The following NAV2 variants were observed in gnomAD, a reference collection of about 807,000 sequenced individuals.
The protein encoded by NAV2 is helicase, APC down-regulated 1.
Under a neutral mutation model 223.2 loss-of-function variants are expected in NAV2, and 54 were observed. The ratio of observed to expected loss-of-function variants is 0.24; its 90% CI spans 0.19 to 0.30. The LOEUF (loss-of-function observed/expected upper bound fraction) is 0.30, where lower values mean the gene tolerates loss of function less well. Ranked by LOEUF, NAV2 falls within the 10% of genes least tolerant of loss-of-function variation. The pLI is 1.00. For synonymous variants in NAV2, 1,279 were observed against 1,239.3 expected (o/e 1.03, Z -0.67); for missense variants, 2,806 against 3,147.5 (o/e 0.89, Z 2.60).
At chr11:20,058,312 A>G (rs2058490745) in intron 19 of NAV2, among the ~76,000 whole-genome samples, 1 of 152,226 alleles carries the variant, frequency 6.6e-6, no homozygotes, top group Non-Finnish European at 1.5e-5. Flanking sequence ...TTTTTGTGCA[A>G]TTTAATTAGC....
chr11:19,393,852 A>G (rs1238011076), intron 1 of NAV2, among the ~76,000 whole-genome samples: 1 of 148,062 alleles, frequency 6.8e-6, no homozygotes, highest in Admixed American at 6.7e-5. Context: ...TTTTGGCTCC[A>G]TATTATTACT....
intron 7 of NAV2, among the ~76,000 whole-genome samples, chr11:19,935,032 GGCTAC>G (rs2045722709): frequency 6.6e-6 from 1 of 152,166 alleles, no homozygotes; most frequent in Non-Finnish European, 1.5e-5. Flanking sequence ...TCATTGCTCA[GGCTAC>G]ACCACACCCC....
intron 6 of NAV2, among the ~76,000 whole-genome samples, chr11:19,894,431 T>C (rs1193692777): frequency 6.6e-6 from 1 of 152,186 alleles, no homozygotes; most frequent in East Asian, 1.9e-4. Context: ...GGAGAAGCTA[T>C]CATAAAAGAG....
At chr11:19,862,893 T>C (rs1032769962) in intron 3 of NAV2, among the ~76,000 whole-genome samples, 15 of 152,146 alleles carry the variant, frequency 9.9e-5, no homozygotes, top group Admixed American at 3.9e-4. Flanking sequence ...TCATTTTGCT[T>C]TTTGGTTTGG....
chr11:19,513,215 T>G (rs1221774714), intron 1 of NAV2, among the ~76,000 whole-genome samples: 1 of 152,222 alleles, frequency 6.6e-6, no homozygotes. Flanking sequence ...CTTTATCTCT[T>G]CCAGTGTGTC....
Position 20,101,133 on chromosome 11 carries a change from G to C in NAV2, c.6378G>C (p.Gly2126=). The change falls in exon 32 of 38, where the codon GGG becomes GGC. Residue 2126 remains glycine, a synonymous_variant. Transcript: ENST00000349880. ...VLREGRELTD[G]VIATFNVDHK... is the part of the protein sequence containing the mutation. ...GAGAGGGACGGGAGTTGACAGACGG[G>C]GTTATCGCCACCTTTAACGTGGACC... The C allele has an allele frequency of 3.1e-6, 5 of 1,614,120 alleles. No homozygotes were observed. Among genetic ancestry groups the C allele is most frequent in the South Asian group, 1.1e-5 (1 of 91,084 alleles).
intron 8 of NAV2, among the ~76,000 whole-genome samples, chr11:19,944,672 TTCTTC>T (rs1164643240): frequency 2.7e-5 from 4 of 150,652 alleles, no homozygotes; most frequent in East Asian, 2.0e-4. Flanking sequence ...CTTTTCTCTT[TTCTTC>T]TCTTCTCTTT....
At chr11:19,351,715 C>T (rs1239959118) in intron 1 of NAV2, among the ~76,000 whole-genome samples, 1 of 143,886 alleles carries the variant, frequency 6.9e-6, no homozygotes, top group Admixed American at 7.3e-5. Context: ...CGGGGCGTGG[C>T]AAGGGTTAAA....
At chr11:19,367,143 G>A (rs980855671) in intron 1 of NAV2, among the ~76,000 whole-genome samples, 1 of 152,170 alleles carries the variant, frequency 6.6e-6, no homozygotes, top group Non-Finnish European at 1.5e-5. Context: ...GCCTCTCAAT[G>A]TTCTCACAGC....
chr11:19,927,256 A>G (rs2044849502), intron 6 of NAV2, among the ~76,000 whole-genome samples: 1 of 152,218 alleles, frequency 6.6e-6, no homozygotes, highest in African/African-American at 2.4e-5. Context: ...AGGTGTTCCA[A>G]CTGCAAGGCA....
chr11:20,089,946 A>G (rs770430940), intron 26 of NAV2, among the ~76,000 whole-genome samples: 7 of 152,202 alleles, frequency 4.6e-5, no homozygotes, highest in Non-Finnish European at 8.8e-5. Flanking sequence ...AGGCTGTTGC[A>G]GAGTTTTCAG....
intron 1 of NAV2, among the ~76,000 whole-genome samples, chr11:19,491,546 G>T (rs559556972): frequency 6.6e-6 from 1 of 152,100 alleles, no homozygotes; most frequent in Non-Finnish European, 1.5e-5. Flanking sequence ...TCTCTCTCAG[G>T]CTTCGTGGAA....
chr11:19,828,899 A>C (rs570792552), intron 1 of NAV2, among the ~76,000 whole-genome samples: 9 of 152,346 alleles, frequency 5.9e-5, no homozygotes, highest in Admixed American at 5.9e-4. Context: ...AGCCGTTTCC[A>C]ACCACTCTAT....
chr11:19,468,103 G>A (rs1852433612), intron 1 of NAV2, among the ~76,000 whole-genome samples: 1 of 152,188 alleles, frequency 6.6e-6, no homozygotes, highest in African/African-American at 2.4e-5. Flanking sequence ...GGTCTTAGTG[G>A]TAGAGCATGG....
intron 6 of NAV2, among the ~76,000 whole-genome samples, chr11:19,908,781 T>C (rs970055637): frequency 2.0e-5 from 3 of 152,132 alleles, no homozygotes; most frequent in African/African-American, 7.2e-5. Flanking sequence ...CCAAATATTG[T>C]ATGATTCCGT....
intron 1 of NAV2, among the ~76,000 whole-genome samples, chr11:19,485,592 G>A (rs1455995817): frequency 6.6e-6 from 1 of 152,154 alleles, no homozygotes; most frequent in Non-Finnish European, 1.5e-5. Flanking sequence ...TTTAAATATG[G>A]CACCAGGGAA....
intron 1 of NAV2, among the ~76,000 whole-genome samples, chr11:19,597,407 CAT>C (rs2046231822): frequency 6.6e-6 from 1 of 152,204 alleles, no homozygotes; most frequent in Non-Finnish European, 1.5e-5. Flanking sequence ...CTGGGCTTCT[CAT>C]ATTTATGCCT....
intron 1 of NAV2, among the ~76,000 whole-genome samples, chr11:19,647,165 A>T (rs2047840164): frequency 1.3e-5 from 2 of 152,154 alleles, no homozygotes; most frequent in Admixed American, 1.3e-4. Flanking sequence ...GCACTTAGAA[A>T]ACCACAGGCC....
At chr11:19,516,928 A>T (rs947498520) in intron 1 of NAV2, among the ~76,000 whole-genome samples, 4 of 152,112 alleles carry the variant, frequency 2.6e-5, no homozygotes, top group Non-Finnish European at 5.9e-5. Flanking sequence ...ATGAAATTTC[A>T]CCTGGGCATG....
Sources: allele counts gnomAD v4.1 joint callset (sites outside exome capture counted in the v4.1 genomes callset), GRCh38; gene constraint gnomAD v4.1.1; transcripts MANE v1.5; gene names NCBI Gene and HGNC (gene_info 2026-07-23, HGNC 2026-07-21).